RIMS3: variants seen among roughly 807,000 people sequenced by gnomAD.
RIMS3 encodes regulating synaptic membrane exocytosis 3.
Under a neutral mutation model 29.2 loss-of-function variants are expected in RIMS3, and 15 were observed. The observed-to-expected ratio is 0.51, with a 90% CI of 0.34 to 0.79. The LOEUF (loss-of-function observed/expected upper bound fraction) is 0.79. Among genes scored for constraint, RIMS3 ranks in the 30% least tolerant of loss-of-function variants. RIMS3 has a pLI of 0.01. For synonymous variants in RIMS3, 161 were observed against 170.1 expected, an observed-to-expected ratio of 0.95 and a Z score of 0.41; for missense variants, 342 against 421.4, an observed-to-expected ratio of 0.81 and a Z score of 1.65.
intron 7 of RIMS3, 42 bp downstream of exon 7, chr1:40,628,768 G>C (rs767401822): frequency 2.5e-6 from 4 of 1,613,598 alleles, no homozygotes; most frequent in South Asian, 2.2e-5. Flanking sequence ...ACAACTTCCA[G>C]TCTGTGAGTC....
At chr1:40,648,887 G>A (rs1228792885) in intron 1 of RIMS3, among the ~76,000 whole-genome samples, 1 of 152,206 alleles carries the variant, frequency 6.6e-6, no homozygotes, top group Non-Finnish European at 1.5e-5. Flanking sequence ...AAGACCCCTG[G>A]CCCAAACCTA....
the RIMS3 span, among the ~76,000 whole-genome samples, chr1:40,676,414 C>G: frequency 6.6e-6 from 1 of 152,150 alleles, no homozygotes; most frequent in Admixed American, 6.5e-5. Context: ...GGTTAAAGAG[C>G]CTGTTAGAGG....
chr1:40,626,740 G>T lies in RIMS3; in HGVS notation c.715-11C>A. Reference sequence around the variant, plus strand: ...TCCCCAGACGATCACCTGCCAGGAGGAAGAGAGGGAGGGAGTGAGCCACCT... The same window carrying T: ...TCCCCAGACGATCACCTGCCAGGAGTAAGAGAGGGAGGGAGTGAGCCACCT... On this transcript the variant is annotated splice_polypyrimidine_tract_variant and intron_variant, in intron 7 of 7. Coordinates refer to ENST00000372684, the MANE Select transcript of RIMS3 (RefSeq NM_014747.3). 6.2e-7 allele frequency: 1 copy of T among 1,613,492 alleles called. No homozygotes were observed.
chr1:40,660,265 G>A (rs1371024752), intron 1 of RIMS3, among the ~76,000 whole-genome samples: 6 of 152,118 alleles, frequency 3.9e-5, no homozygotes, highest in South Asian at 4.1e-4. Flanking sequence ...CTTAAAGGCA[G>A]AGCAGGTGCA....
chr1:40,650,863 CA>C (rs58578342), intron 1 of RIMS3, among the ~76,000 whole-genome samples: 44 of 64,560 alleles, frequency 6.8e-4, no homozygotes, highest in African/African-American at 2.6e-3. Context: ...CAGACTCTGT[CA>C]AAAAAAAAAA....
In RIMS3 at chr1:40,626,284, T is replaced by G; in HGVS notation, c.*233A>C. 1 of 583,874 alleles carries G rather than the reference T, an allele frequency of 1.7e-6. No homozygotes were observed. The highest frequency in any genetic ancestry group is 2.9e-5 in the East Asian group (1 of 34,664). The allele number at this position is 583,874 out of a possible 1,614,324, so 36.2% of individuals were successfully genotyped here. ...TTTCAGCCCATATCATCACCAGGAG[T>G]GACTATACCCAGACAAATGAACAGA... is the stretch of plus-strand genomic sequence containing the variant. On this transcript the variant is annotated 3_prime_UTR_variant, in exon 8 of 8. Transcript: ENST00000372684.
At chr1:40,691,791 G>C in the RIMS3 span, 3 of 452,110 alleles carry the variant, frequency 6.6e-6, no homozygotes, top group East Asian at 2.2e-4. Context: ...CCCCTCCGCC[G>C]CGCCTGGGCC....
chr1:40,684,422 C>G, the RIMS3 span, among the ~76,000 whole-genome samples: 2 of 152,134 alleles, frequency 1.3e-5, no homozygotes, highest in Non-Finnish European at 2.9e-5. Flanking sequence ...TTATATATTT[C>G]AAATCTTTAG....
chr1:40,637,283 C>T (rs547831613), intron 3 of RIMS3, among the ~76,000 whole-genome samples: 8 of 152,272 alleles, frequency 5.3e-5, no homozygotes, highest in East Asian at 1.9e-4. Flanking sequence ...CCTCCTGCTT[C>T]GTCTGCTTAT....
chr1:40,641,643 C>T, intron 3 of RIMS3, 66 bp downstream of exon 3: 1 of 1,511,886 alleles, frequency 6.6e-7, no homozygotes, highest in Non-Finnish European at 9.1e-7. Flanking sequence ...TCAGGGCAGT[C>T]CCTGGGTAGT....
chr1:40,680,546 G>T, the RIMS3 span, among the ~76,000 whole-genome samples: 1 of 152,074 alleles, frequency 6.6e-6, no homozygotes, highest in East Asian at 1.9e-4. Flanking sequence ...TGGCCAGGAT[G>T]GTCTTGAACT....
At chr1:40,640,666 G>C (rs961616007) in intron 3 of RIMS3, among the ~76,000 whole-genome samples, 5 of 152,234 alleles carry the variant, frequency 3.3e-5, no homozygotes, top group African/African-American at 1.2e-4. Context: ...AGGAGGTCTT[G>C]GTGGGGAGGG....
At position 40,626,476 on chromosome 1, in the gene RIMS3, A is replaced by G. The variant is rs1570167251; in HGVS notation, c.*41T>C. On this transcript the variant is annotated 3_prime_UTR_variant, in exon 8 of 8. Coordinates refer to ENST00000372684, the MANE Select transcript of RIMS3 (RefSeq NM_014747.3). ...AGGGGAGGACATGGGGCCAGCAGGC[A>G]CCCCTCCCCACACCACCATCCTGGC... The G allele has an allele frequency of 7.9e-6, 12 of 1,523,994 alleles. No individual in the cohort carries two copies. The highest frequency in any genetic ancestry group is 1.1e-5 in the Non-Finnish European group (12 of 1,118,174). 94.4% of individuals were successfully genotyped at this position (1,523,994 alleles called of 1,614,324 possible). A position where few individuals can be genotyped will look rare whatever the true frequency, so the allele number is the denominator to read the frequency against.
chr1:40,624,951 C>T lies in RIMS3; in HGVS notation c.*1566G>A, dbSNP rs528606420. The T allele has an allele frequency of 6.6e-5, 10 of 152,612 alleles. No homozygotes were observed. The highest frequency in any genetic ancestry group is 1.9e-4 in the East Asian group (1 of 5,158). The allele number at this position is 152,612 out of a possible 1,614,324, so 9.5% of individuals were successfully genotyped here. A position where few individuals can be genotyped will look rare whatever the true frequency, so the allele number is the denominator to read the frequency against. On this transcript the variant is annotated 3_prime_UTR_variant, in exon 8 of 8. Transcript: ENST00000372684. ...AGAGGTGGAAAGAGTGCCTTCCACA[C>T]ACCTCCACTGTCCTGCTGCTTTCTC...
rs902295321 is a variant in RIMS3, at chr1:40,626,433, G to A, written c.*84C>T. Reference sequence around the variant, plus strand: ...TGCAGCAGGACAAGGGGTCCAGAAAGACACGAAGACTATGTACAGGGGAGG... The same window carrying A: ...TGCAGCAGGACAAGGGGTCCAGAAAAACACGAAGACTATGTACAGGGGAGG... On this transcript the variant is annotated 3_prime_UTR_variant, in exon 8 of 8. Coordinates refer to ENST00000372684, the MANE Select transcript of RIMS3 (RefSeq NM_014747.3). The A allele has an allele frequency of 4.4e-5, 56 of 1,270,174 alleles. No homozygotes were observed. The highest frequency in any genetic ancestry group is 1.2e-5 in the Non-Finnish European group (11 of 895,522). The allele number at this position is 1,270,174 out of a possible 1,614,324, so 78.7% of individuals were successfully genotyped here.
intron 2 of RIMS3, among the ~76,000 whole-genome samples, chr1:40,642,682 A>G (rs1479513648): frequency 6.6e-6 from 1 of 152,102 alleles, no homozygotes; most frequent in Non-Finnish European, 1.5e-5. Context: ...ATGGTCGGGC[A>G]CAGTGGCTCA....
At position 40,625,444 on chromosome 1, in the gene RIMS3, A is replaced by G. The variant is rs574943696; in HGVS notation, c.*1073T>C. On this transcript the variant is annotated 3_prime_UTR_variant, in exon 8 of 8. Transcript: ENST00000372684. ...CAAAAACTGGAGCCCCAAATGAACAACTTCATGCAGTGAATCCCCAAATGT... is the reference window on the plus strand; with the variant it reads ...CAAAAACTGGAGCCCCAAATGAACAGCTTCATGCAGTGAATCCCCAAATGT... 6.5e-6 allele frequency: 1 copy of G among 152,714 alleles called. No individual in the cohort carries two copies. Among genetic ancestry groups the G allele is most frequent in the South Asian group, 2.1e-4 (1 of 4,818 alleles). The allele number at this position is 152,714 out of a possible 1,614,324, so 9.5% of individuals were successfully genotyped here. A position where few individuals can be genotyped will look rare whatever the true frequency, so the allele number is the denominator to read the frequency against.
chr1:40,631,396 T>C (rs1461945232), intron 5 of RIMS3, among the ~76,000 whole-genome samples: 1 of 152,168 alleles, frequency 6.6e-6, no homozygotes, highest in East Asian at 1.9e-4. Context: ...ACCAAAATCC[T>C]TGGATGCTCC....
chr1:40,660,506 C>T (rs2148361786), intron 1 of RIMS3, among the ~76,000 whole-genome samples: 1 of 151,838 alleles, frequency 6.6e-6, no homozygotes, highest in South Asian at 2.1e-4. Flanking sequence ...GCCCCCCAAG[C>T]AGCTGGGAAT....
Sources: allele counts gnomAD v4.1 joint callset (sites outside exome capture counted in the v4.1 genomes callset), GRCh38; gene constraint gnomAD v4.1.1; transcripts MANE v1.5; gene names NCBI Gene and HGNC (gene_info 2026-07-23, HGNC 2026-07-21).